The following ZNF584 variants were observed in gnomAD, a reference collection of about 807,000 sequenced individuals.
ZNF584 encodes zinc finger protein 584.
ZNF584 carries 12 observed loss-of-function variants against 14.7 expected under a neutral mutation model. The observed-to-expected ratio is 0.82, with a 90% confidence interval of 0.52 to 1.32. The LOEUF is 1.32. Among genes scored for constraint, ZNF584 ranks in the 40% most tolerant of loss-of-function variants. The probability of loss-of-function intolerance (pLI) is 0.00; values close to 1 mark genes in which losing one functional copy is unlikely to be tolerated. For missense variants in ZNF584, 478 were observed against 518.8 expected, an observed-to-expected ratio of 0.92 and a Z score of 0.76; for synonymous variants, 204 against 190.9, an observed-to-expected ratio of 1.07 and a Z score of -0.57.
intron 2 of ZNF584, among the ~76,000 whole-genome samples, chr19:58,412,785 G>T (rs1259376857): frequency 1.3e-5 from 2 of 152,200 alleles, no homozygotes; most frequent in Non-Finnish European, 2.9e-5. Context: ...TTGGGGTTGT[G>T]TGTGTTTTGG....
rs372795509 is a variant in ZNF584 at position 58,416,951 on chromosome 19, A to G, written c.433A>G (p.Ser145Gly). 19 of 1,612,978 alleles carry G rather than the reference A, an allele frequency of 1.2e-5. No homozygotes were observed. Among genetic ancestry groups the G allele is most frequent in the East Asian group, 8.9e-5 (4 of 44,894 alleles). ...TGGGGCAGCTTTCCCACCTGGTTCC[A>G]GTTGTGGGCAACAGCAAGAAGTCCA... ...EHGAAFPPGS[S>G]CGQQQEVHVA... is the part of the protein sequence containing the mutation. The change falls in exon 4 of 4, where the codon AGT becomes GGT. Residue 145 changes from serine to glycine, a missense_variant. By Grantham distance (56) the Ser-to-Gly change is moderately conservative. Around this residue, in one of 3 missense-constraint regions of ZNF584, gnomAD observed 189 missense variants for 177.9 expected, o/e 1.06. Coordinates refer to ENST00000306910, the MANE Select transcript of ZNF584 (RefSeq NM_173548.3).
At chr19:58,402,824 C>CAAAA (rs35168811) in intron 1 of ZNF584, among the ~76,000 whole-genome samples, 14 of 47,486 alleles carry the variant, frequency 2.9e-4, no homozygotes, top group African/African-American at 9.7e-4. Context: ...AACTGCGTCT[C>CAAAA]AAAAAAAAAA....
In ZNF584 at chr19:58,417,107, A is replaced by G. The variant is rs142904048; in HGVS notation, c.589A>G (p.Lys197Glu). 5.6e-6 allele frequency: 9 copies of G among 1,614,060 alleles called. No individual in the cohort carries two copies. In the African/African-American group the frequency reaches 1.2e-4, roughly 22 times the overall value. Residue 197 changes from lysine (K) to glutamate (E), a missense_variant, in exon 4 of 4, where the codon AAG (lysine) becomes GAG (glutamate). Transcript: ENST00000306910. ...FRCPTGRSAF[K>E]KSAHINPRKI... ...ATGCCCAACAGGCAGAAGTGCTTTC[A>G]AGAAGTCAGCTCATATTAACCCCCG...
upstream of ZNF584, chr19:58,406,679 T>G (rs1017905318): frequency 4.6e-5 from 7 of 152,272 alleles, no homozygotes; most frequent in African/African-American, 7.2e-5. Context: ...ATAACTTTTG[T>G]GCTATTCCTG....
chr19:58,410,625 GTATATATGTGTA>G (rs1434825930), intron 2 of ZNF584, among the ~76,000 whole-genome samples: 3 of 41,678 alleles, frequency 7.2e-5, no homozygotes, highest in African/African-American at 4.4e-4. Flanking sequence ...GTATATATGT[GTATATATGTGTA>G]TATATATGTG....
At chr19:58,412,434 C>T (rs568082235) in intron 2 of ZNF584, among the ~76,000 whole-genome samples, 43 of 151,934 alleles carry the variant, frequency 2.8e-4, no homozygotes, top group Non-Finnish European at 5.3e-4. Flanking sequence ...TGGTCTCAAT[C>T]TCCTGACCTC....
chr19:58,416,766 C>T, intron 3 of ZNF584, 45 bp from the exon 4 acceptor site: 1 of 1,516,852 alleles, frequency 6.6e-7, no homozygotes, highest in Non-Finnish European at 8.8e-7. Context: ...AAGGTACCTC[C>T]TCCCTCTAGT....
At chr19:58,408,423 C>G (rs983109799), upstream of ZNF584, 1 of 152,320 alleles carries the variant, frequency 6.6e-6, no homozygotes. Context: ...TGCGGACCAG[C>G]GGAGACTCCT....
At position 58,413,137 on chromosome 19, in the gene ZNF584, C is replaced by T. The variant is rs975366826; in HGVS notation, c.170-2387C>T. On this transcript the variant is annotated intron_variant, in intron 2 of 3. Transcript: ENST00000306910. The stretch of plus-strand genomic sequence containing the variant: ...TTCTCTTTTTCTAATCTGTTTCATT[C>T]GTTTCTGCTCTAATTTTTATTATTT... Among the ~76,000 whole-genome samples the T allele has an allele frequency of 3.9e-5, 6 of 151,970 alleles. 1 individual carries two copies. The Middle Eastern group carries it at 0.01, about 258-fold the overall frequency.
At chr19:58,404,229 A>AT (rs59683660), upstream of ZNF584, 29,158 of 146,836 alleles carry the variant, frequency 0.2, 3,144 homozygotes, top group Middle Eastern at 0.26. Context: ...AGAGGAACAG[A>AT]TTTTTTTTTT....
intron 2 of ZNF584, among the ~76,000 whole-genome samples, chr19:58,412,350 C>T (rs2052587197): frequency 6.6e-6 from 1 of 151,492 alleles, no homozygotes; most frequent in African/African-American, 2.4e-5. Flanking sequence ...GCTGGGACTA[C>T]AGGCGCCCGC....
rs1368039757 is a variant in ZNF584, at chr19:58,409,007, G to C, written c.-141G>C. The C allele has an allele frequency of 9.0e-7, 1 of 1,111,890 alleles. No homozygotes were observed. The allele number at this position is 1,111,890 out of a possible 1,614,324, so 68.9% of individuals were successfully genotyped here. The stretch of plus-strand genomic sequence containing the variant: ...CTCCTTCCCAGCGGCTCCGGGAAGC[G>C]GTTCCCTGTCTTCGGACGCATTTCA... On this transcript the variant is annotated 5_prime_UTR_variant, in exon 1 of 4. Transcript: ENST00000306910.
intron 2 of ZNF584, among the ~76,000 whole-genome samples, chr19:58,414,095 A>G (rs1373385105): frequency 6.6e-6 from 1 of 151,966 alleles, no homozygotes; most frequent in Non-Finnish European, 1.5e-5. Context: ...TGCTGGGATT[A>G]CACTTGAGCC....
Position 58,417,586 on chromosome 19 carries a change from T to C in ZNF584, c.1068T>C (p.Cys356=), listed in dbSNP as rs1466507890. The C allele has an allele frequency of 6.2e-7, 1 of 1,614,074 alleles. No homozygotes were observed. The highest frequency in any genetic ancestry group is 8.5e-7 in the Non-Finnish European group (1 of 1,180,044). The part of the protein sequence containing the change: ...KVHTGERPYE[C]SLCGKTFTTR... ...ACACTGGGGAACGGCCCTATGAATGTAGCCTGTGTGGGAAAACCTTCACTA... is the reference window on the plus strand; with the variant it reads ...ACACTGGGGAACGGCCCTATGAATGCAGCCTGTGTGGGAAAACCTTCACTA... Residue 356 remains cysteine, a synonymous_variant, in exon 4 of 4, where the codon TGT becomes TGC. Transcript: ENST00000306910.
At position 58,416,872 on chromosome 19, in the gene ZNF584, C is replaced by A. The variant is rs768721286; in HGVS notation, c.354C>A (p.Val118=). Residue 118 remains valine, a synonymous_variant, in exon 4 of 4, where the codon GTC becomes GTA. Coordinates refer to ENST00000306910, the MANE Select transcript of ZNF584 (RefSeq NM_173548.3). ...AHPEHLKSYR[V]IQHQDTHSEG... ...CTGAGCATCTAAAGAGCTACAGAGT[C>A]ATCCAGCACCAGGACACTCATAGTG... The A allele has an allele frequency of 6.2e-7, 1 of 1,603,174 alleles. No homozygotes were observed. The highest frequency in any genetic ancestry group is 1.3e-5 in the African/African-American group (1 of 74,680).
At chr19:58,403,145 A>C (rs1436298658) in intron 1 of ZNF584, among the ~76,000 whole-genome samples, 2 of 152,254 alleles carry the variant, frequency 1.3e-5, no homozygotes, top group Non-Finnish European at 2.9e-5. Context: ...ATATAGTCTT[A>C]CCATATGATA....
chr19:58,410,627 ATATATG>A (rs1568584735), intron 2 of ZNF584, among the ~76,000 whole-genome samples: 3 of 46,288 alleles, frequency 6.5e-5, no homozygotes, highest in African/African-American at 3.5e-4. Flanking sequence ...ATATATGTGT[ATATATG>A]TGTATATATA....
At chr19:58,415,083 G>GAC (rs1317959720) in intron 2 of ZNF584, among the ~76,000 whole-genome samples, 22 of 151,442 alleles carry the variant, frequency 1.5e-4, no homozygotes, top group Middle Eastern at 6.8e-3. Context: ...TTAGTAGAAG[G>GAC]GGGGTTTCAC....
rs180885842 is a variant in ZNF584 at position 58,411,805 on chromosome 19, A to C, written c.169+1714A>C. Among the ~76,000 whole-genome samples, 370 of 149,570 alleles carry C rather than the reference A, an allele frequency of 2.5e-3. 1 individual carries two copies. The highest frequency in any genetic ancestry group is 3.6e-3 in the Non-Finnish European group (243 of 67,378). On this transcript the variant is annotated intron_variant, in intron 2 of 3. Transcript: ENST00000306910. ...ACTATAGGCGTGCACCACCACGCCC[A>C]GCTAATTTTTGTATTTTTCGTAGAG...
Sources: allele counts gnomAD v4.1 joint callset (sites outside exome capture counted in the v4.1 genomes callset), GRCh38; gene constraint gnomAD v4.1.1; regional missense constraint gnomAD v4.1.1; transcripts MANE v1.5; gene names NCBI Gene and HGNC (gene_info 2026-07-23, HGNC 2026-07-21).